Variants in TBC1D16 observed in about 807,000 individuals in gnomAD.
The protein encoded by TBC1D16 is TBC1 domain family member 16.
TBC1D16 carries 58 observed loss-of-function variants against 74.7 expected under a neutral mutation model. That is an observed-to-expected ratio of 0.78 (90% CI 0.63 to 0.97). The LOEUF (loss-of-function observed/expected upper bound fraction) is 0.97, where lower values mean the gene tolerates loss of function less well. Ranked by LOEUF, TBC1D16 falls within the 50% of genes least tolerant of loss-of-function variation. TBC1D16 has a pLI of 0.00. For synonymous variants in TBC1D16, 493 were observed against 474.7 expected, an observed-to-expected ratio of 1.04 and a Z score of -0.50; for missense variants, 1,014 against 1,079.5, an observed-to-expected ratio of 0.94 and a Z score of 0.85.
rs890036216 is a variant in TBC1D16, at chr17:79,993,203, G to T, written c.779+16957C>A. ...GATGTGGCCAAGGACTTGGCTCCAG[G>T]CTCCCACACTTAAAGATCATCTCTG... On this transcript the variant is annotated intron_variant, in intron 3 of 11. Coordinates refer to ENST00000310924, the MANE Select transcript of TBC1D16 (RefSeq NM_019020.4). This position sits in a 1 kb window ranked among gnomAD's most constrained non-coding sequence, Gnocchi z 5.1. Among the ~76,000 whole-genome samples the T allele has an allele frequency of 6.6e-6, 1 of 152,200 alleles. No individual in the cohort carries two copies. The highest frequency in any genetic ancestry group is 1.9e-4 in the East Asian group (1 of 5,184).
At position 79,944,993 on chromosome 17, in the gene TBC1D16, TG is replaced by T; in HGVS notation, c.1822del (p.His608ThrfsTer70). The T allele has an allele frequency of 1.9e-6, 3 of 1,571,744 alleles. No individual in the cohort carries two copies. The highest frequency in any genetic ancestry group is 2.6e-6 in the Non-Finnish European group (3 of 1,158,750). ...GEDGLQMLFC[H>X]RWLLLCFKRE... ...CTTGAAGCACAGAAGGAGCCAGCGG[TG>T]GCAGAAGAGCATCTGCAGGCCGTCC... On this transcript the variant is annotated frameshift_variant, in exon 10 of 12. Coordinates refer to ENST00000310924, the MANE Select transcript of TBC1D16 (RefSeq NM_019020.4). LOFTEE classifies it high-confidence loss of function. This position sits in a 1 kb window ranked among gnomAD's most constrained non-coding sequence, Gnocchi z 7.7.
chr17:79,961,630 G>A lies in TBC1D16; in HGVS notation c.780-8812C>T, dbSNP rs1458641094. On this transcript the variant is annotated intron_variant, in intron 3 of 11. Transcript: ENST00000310924. This position sits in a 1 kb window ranked among gnomAD's most constrained non-coding sequence, Gnocchi z 4.8. ...TAATCCCAGCACTTTGGGAGGCCGAGGCTGGTGGATCACCTGAGGTCAGGA... is the reference window on the plus strand; with the variant it reads ...TAATCCCAGCACTTTGGGAGGCCGAAGCTGGTGGATCACCTGAGGTCAGGA... 6.6e-6 allele frequency among the ~76,000 whole-genome samples: 1 copy of A among 152,228 alleles called. No homozygotes were observed. Among genetic ancestry groups the A allele is most frequent in the African/African-American group, 2.4e-5 (1 of 41,458 alleles).
chr17:79,966,613 A>G (rs1303041681), intron 3 of TBC1D16, among the ~76,000 whole-genome samples: 2 of 152,202 alleles, frequency 1.3e-5, no homozygotes, highest in Non-Finnish European at 2.9e-5. Flanking sequence ...AAAGTGTCTG[A>G]AACATACAGC....
At chr17:79,957,072 G>A (rs1371395722) in intron 3 of TBC1D16, among the ~76,000 whole-genome samples, 1 of 152,178 alleles carries the variant, frequency 6.6e-6, no homozygotes, top group Non-Finnish European at 1.5e-5. Context: ...GAGTCTCTGT[G>A]TTCTGTCTGG....
At chr17:79,972,388 G>A (rs1164863883) in intron 3 of TBC1D16, among the ~76,000 whole-genome samples, 3 of 151,896 alleles carry the variant, frequency 2.0e-5, no homozygotes, top group African/African-American at 2.4e-5. Flanking sequence ...TGTTGGCCAC[G>A]CTGGTCTCGA....
Position 79,941,271 on chromosome 17 carries a change from C to T in TBC1D16, c.2056-164G>A, listed in dbSNP as rs968057988. Among the ~76,000 whole-genome samples, 1 of 152,138 alleles carries T rather than the reference C, an allele frequency of 6.6e-6. No homozygotes were observed. Among genetic ancestry groups the T allele is most frequent in the African/African-American group, 2.4e-5 (1 of 41,434 alleles). On this transcript the variant is annotated intron_variant, in intron 11 of 11. Transcript: ENST00000310924. The surrounding 1 kb of genome is among the most constrained non-coding windows in gnomAD (Gnocchi z 4.3). ...CTCTGCCTGCATCTCCCACCATCAC[C>T]GGCACCACGGGGCCCTGGGTCTTAG...
intron 1 of TBC1D16, among the ~76,000 whole-genome samples, chr17:80,025,099 C>A (rs1598444962): frequency 6.3e-5 from 5 of 79,954 alleles, no homozygotes; most frequent in Non-Finnish European, 1.0e-4. Context: ...ACACACACAC[C>A]ATATACACAC....
In TBC1D16 at chr17:79,950,839, C is replaced by T; in HGVS notation, c.1090-261G>A. 2.0e-6 allele frequency: 3 copies of T among 1,526,212 alleles called. No individual in the cohort carries two copies. Among genetic ancestry groups the T allele is most frequent in the Non-Finnish European group, 2.6e-6 (3 of 1,141,052 alleles). 94.5% of individuals were successfully genotyped at this position (1,526,212 alleles called of 1,614,324 possible). A position where few individuals can be genotyped will look rare whatever the true frequency, so the allele number is the denominator to read the frequency against. ...CGCCCCCCACTCTCTCCAACCCCAG[C>T]CGCAAAAACGGAATGAATGCCTCGT... On this transcript the variant is annotated intron_variant, in intron 5 of 11. Transcript: ENST00000310924. This position sits in a 1 kb window ranked among gnomAD's most constrained non-coding sequence, Gnocchi z 4.6.
At chr17:80,012,196 A>C (rs1275535068) in intron 2 of TBC1D16, among the ~76,000 whole-genome samples, 1 of 151,442 alleles carries the variant, frequency 6.6e-6, no homozygotes, top group Non-Finnish European at 1.5e-5. Flanking sequence ...AATGTCAGCC[A>C]GCTGGGCATT....
chr17:79,969,509 A>G (rs1181493635), intron 3 of TBC1D16, among the ~76,000 whole-genome samples: 1 of 152,246 alleles, frequency 6.6e-6, no homozygotes, highest in African/African-American at 2.4e-5. Context: ...TCCTAGAGAA[A>G]TCGGAACCCT....
In TBC1D16 at chr17:79,983,792, C is replaced by A. The variant is rs1220670088; in HGVS notation, c.779+26368G>T. On this transcript the variant is annotated intron_variant, in intron 3 of 11. Transcript: ENST00000310924. The surrounding 1 kb of genome is among the most constrained non-coding windows in gnomAD (Gnocchi z 5.6). ...ACAGGGGGCGCTGGGTCACGGGGTT[C>A]ATTTATGATTGTGTTTCATGGTTTA... 6.6e-6 allele frequency among the ~76,000 whole-genome samples: 1 copy of A among 152,054 alleles called. No individual in the cohort carries two copies. Among genetic ancestry groups the A allele is most frequent in the African/African-American group, 2.4e-5 (1 of 41,356 alleles).
chr17:80,002,855 G>A (rs933387981), intron 3 of TBC1D16, among the ~76,000 whole-genome samples: 7 of 152,362 alleles, frequency 4.6e-5, no homozygotes, highest in East Asian at 1.9e-4. Context: ...TGCTGACGGC[G>A]CTGGCCCAGG....
intron 3 of TBC1D16, among the ~76,000 whole-genome samples, chr17:80,003,349 C>T (rs989559134): frequency 7.9e-5 from 12 of 152,160 alleles, no homozygotes; most frequent in Non-Finnish European, 1.8e-4. Context: ...GAACGCATGC[C>T]GGGAATGACA....
At chr17:79,949,455 C>T (rs1207265859) in intron 7 of TBC1D16, among the ~76,000 whole-genome samples, 1 of 152,242 alleles carries the variant, frequency 6.6e-6, no homozygotes, top group African/African-American at 2.4e-5. Context: ...GGGACGTCAG[C>T]GCCTAGTTAA....
At chr17:79,952,514 G>T in intron 4 of TBC1D16, 143 bp downstream of exon 4, 1 of 1,063,198 alleles carries the variant, frequency 9.4e-7, no homozygotes, top group Non-Finnish European at 1.3e-6. Flanking sequence ...CAAGATCAGC[G>T]AGGGAGGAAA....
At chr17:79,947,112 G>A (rs2032608175) in intron 9 of TBC1D16, among the ~76,000 whole-genome samples, 2 of 152,202 alleles carry the variant, frequency 1.3e-5, no homozygotes, top group Non-Finnish European at 2.9e-5. Context: ...GTGCTTCCTG[G>A]TCTACATAGG....
chr17:79,983,786 G>A lies in TBC1D16; in HGVS notation c.779+26374C>T, dbSNP rs919422367. Among the ~76,000 whole-genome samples, 24 of 152,146 alleles carry A rather than the reference G, an allele frequency of 1.6e-4. No homozygotes were observed. Among genetic ancestry groups the A allele is most frequent in the Admixed American group, 2.6e-4 (4 of 15,280 alleles). On this transcript the variant is annotated intron_variant, in intron 3 of 11. Coordinates refer to ENST00000310924, the MANE Select transcript of TBC1D16 (RefSeq NM_019020.4). This position sits in a 1 kb window ranked among gnomAD's most constrained non-coding sequence, Gnocchi z 5.6. ...TCAGACACAGGGGGCGCTGGGTCAC[G>A]GGGTTCATTTATGATTGTGTTTCAT...
At chr17:80,022,317 C>T (rs1237086027) in intron 1 of TBC1D16, among the ~76,000 whole-genome samples, 2 of 149,584 alleles carry the variant, frequency 1.3e-5, no homozygotes, top group Non-Finnish European at 2.9e-5. Context: ...ATTAATAAAG[C>T]TGGGACGTTT....
rs2032924163 is a variant in TBC1D16, at chr17:79,950,113, C to T, written c.1258-248G>A. 6.6e-6 allele frequency among the ~76,000 whole-genome samples: 1 copy of T among 152,312 alleles called. No individual in the cohort carries two copies. Among genetic ancestry groups the T allele is most frequent in the South Asian group, 2.1e-4 (1 of 4,830 alleles). Reference sequence around the variant, plus strand: ...TAACGTGTCGTTCTCACGTCATGGCCTAATCCCTGGTTTTGGAAATGCTGC... The same window carrying T: ...TAACGTGTCGTTCTCACGTCATGGCTTAATCCCTGGTTTTGGAAATGCTGC... On this transcript the variant is annotated intron_variant, in intron 6 of 11. Transcript: ENST00000310924. This position sits in a 1 kb window ranked among gnomAD's most constrained non-coding sequence, Gnocchi z 4.6.
Sources: gnomAD v4.1 joint callset for allele counts (sites outside exome capture counted in the v4.1 genomes callset) on GRCh38, gnomAD v4.1.1 for gene constraint, Gnocchi (gnomAD v3.1) non-coding constraint, MANE v1.5 for transcripts, NCBI Gene and HGNC (gene_info 2026-07-23, HGNC 2026-07-21) for gene names.